KHSRP: variants seen among roughly 807,000 people sequenced by gnomAD.
The protein encoded by KHSRP is far upstream element-binding protein 2.
In KHSRP, 13 loss-of-function variants were observed where a neutral mutation model predicts 94.9. The observed-to-expected ratio is 0.14, with a 90% CI of 0.09 to 0.22. The LOEUF is 0.22. Among genes scored for constraint, KHSRP ranks in the 10% least tolerant of loss-of-function variants. The probability of loss-of-function intolerance (pLI) is 1.00; values close to 1 mark genes in which losing one functional copy is unlikely to be tolerated. For missense variants in KHSRP, 710 were observed against 1,010.0 expected (o/e 0.70, Z 4.03); for synonymous variants, 495 against 401.4 (o/e 1.23, Z -2.79).
Position 6,414,137 on chromosome 19 carries a change from G to C in KHSRP, c.*887C>G, listed in dbSNP as rs1314236520. On this transcript the variant is annotated 3_prime_UTR_variant, in exon 19 of 19. Coordinates refer to ENST00000600480, the MANE Select transcript of KHSRP (RefSeq NM_001366299.1). Reference sequence around the variant, plus strand: ...TCATTGAGCCTGCGGAGAGGGAAGAGATAGGAATTGGTCACTACGGGGAGG... The same window carrying C: ...TCATTGAGCCTGCGGAGAGGGAAGACATAGGAATTGGTCACTACGGGGAGG... 3.2e-6 allele frequency: 3 copies of C among 947,434 alleles called. No homozygotes were observed. Among genetic ancestry groups the C allele is most frequent in the Non-Finnish European group, 4.8e-6 (3 of 626,860 alleles). The allele number at this position is 947,434 out of a possible 1,614,324, so 58.7% of individuals were successfully genotyped here. A position where few individuals can be genotyped will look rare whatever the true frequency, so the allele number is the denominator to read the frequency against.
At chr19:6,421,480 A>C in intron 3 of KHSRP, 163 bp from the exon 4 acceptor site, 1 of 980,064 alleles carries the variant, frequency 1.0e-6, no homozygotes, top group Non-Finnish European at 1.6e-6. Flanking sequence ...CACAGAGCTC[A>C]TCTCCCTCAA....
At chr19:6,417,399 G>C (rs555399568) in intron 11 of KHSRP, among the ~76,000 whole-genome samples, 1 of 152,360 alleles carries the variant, frequency 6.6e-6, no homozygotes, top group Admixed American at 6.5e-5. Context: ...AGGCAGCTCA[G>C]AGACTGCCTG....
intron 2 of KHSRP, 62 bp from the exon 3 acceptor site, chr19:6,421,750 T>G (rs1599244710): frequency 3.8e-6 from 6 of 1,582,632 alleles, no homozygotes. Flanking sequence ...TCGAACCTGA[T>G]GCTGGTGCCA....
Position 6,418,900 on chromosome 19 carries a change from T to G in KHSRP, c.606-24A>C. 6 of 1,525,142 alleles carry G rather than the reference T, an allele frequency of 3.9e-6. No individual in the cohort carries two copies. Among genetic ancestry groups the G allele is most frequent in the Non-Finnish European group, 5.2e-6 (6 of 1,143,230 alleles). The allele number at this position is 1,525,142 out of a possible 1,614,324, so 94.5% of individuals were successfully genotyped here. ...TCCTGGGAAGGGGAGGAGCGGGGGA[T>G]GAGCGGGTGCCACCGCTGGAGAAAG... is the stretch of plus-strand genomic sequence containing the variant. On this transcript the variant is annotated intron_variant, in intron 7 of 18. Transcript: ENST00000600480. This position sits in a 1 kb window ranked among gnomAD's most constrained non-coding sequence, Gnocchi z 4.3.
Position 6,414,214 on chromosome 19 carries a change from G to C in KHSRP, c.*810C>G, listed in dbSNP as rs529449095. The C allele has an allele frequency of 9.2e-6, 14 of 1,527,434 alleles. No homozygotes were observed. Among genetic ancestry groups the C allele is most frequent in the Admixed American group, 7.0e-5 (3 of 42,634 alleles). The allele number at this position is 1,527,434 out of a possible 1,614,324, so 94.6% of individuals were successfully genotyped here. A position where few individuals can be genotyped will look rare whatever the true frequency, so the allele number is the denominator to read the frequency against. On this transcript the variant is annotated 3_prime_UTR_variant, in exon 19 of 19. Transcript: ENST00000600480. ...GAGAGGAGGGGCTGGAACACCGTGG[G>C]GGGGGCCAGGAAGCCCCCTCCCAAA... is the stretch of plus-strand genomic sequence containing the variant.
At position 6,418,954 on chromosome 19, in the gene KHSRP, A is replaced by C. The variant is rs762288145; in HGVS notation, c.606-78T>G. The C allele has an allele frequency of 4.3e-6, 6 of 1,405,548 alleles. No homozygotes were observed. The highest frequency in any genetic ancestry group is 5.6e-6 in the Non-Finnish European group (6 of 1,062,414). The allele number at this position is 1,405,548 out of a possible 1,614,324, so 87.1% of individuals were successfully genotyped here. ...CTGGTCTGGTGGCCCACCCAGCTCAAAGGGAAGGCGACCCCAGAGTGTGCA... is the reference window on the plus strand; with the variant it reads ...CTGGTCTGGTGGCCCACCCAGCTCACAGGGAAGGCGACCCCAGAGTGTGCA... On this transcript the variant is annotated intron_variant, in intron 7 of 18. Transcript: ENST00000600480. The surrounding 1 kb of genome is among the most constrained non-coding windows in gnomAD (Gnocchi z 4.3).
rs1191367651 is a variant in KHSRP at position 6,418,275 on chromosome 19, A to T, written c.880-196T>A. Among the ~76,000 whole-genome samples, 1 of 152,142 alleles carries T rather than the reference A, an allele frequency of 6.6e-6. No individual in the cohort carries two copies. Among genetic ancestry groups the T allele is most frequent in the Non-Finnish European group, 1.5e-5 (1 of 68,014 alleles). On this transcript the variant is annotated intron_variant, in intron 9 of 18. Coordinates refer to ENST00000600480, the MANE Select transcript of KHSRP (RefSeq NM_001366299.1). The surrounding 1 kb of genome is among the most constrained non-coding windows in gnomAD (Gnocchi z 4.3). ...CCCCGTTTCCAGATAAAAAAGCAGAAGGTCAGAGGTGAGGCCGGTGCCTCA... is the reference window on the plus strand; with the variant it reads ...CCCCGTTTCCAGATAAAAAAGCAGATGGTCAGAGGTGAGGCCGGTGCCTCA...
chr19:6,421,100 G>A, intron 4 of KHSRP, 178 bp downstream of exon 4: 1 of 632,674 alleles, frequency 1.6e-6, no homozygotes, highest in South Asian at 2.0e-5. Flanking sequence ...TTCAGACAAG[G>A]GGTACGAGGA....
intron 1 of KHSRP, among the ~76,000 whole-genome samples, chr19:6,423,234 G>A (rs919030129): frequency 7.2e-5 from 11 of 152,142 alleles, no homozygotes; most frequent in Admixed American, 5.2e-4. Flanking sequence ...TGCTGAGATC[G>A]TGCCACTGCA....
Position 6,414,011 on chromosome 19 carries a change from C to A in KHSRP, c.*1013G>T. On this transcript the variant is annotated 3_prime_UTR_variant, in exon 19 of 19. Coordinates refer to ENST00000600480, the MANE Select transcript of KHSRP (RefSeq NM_001366299.1). ...GAGGGCTCCCCAGTACTCCCCACGG[C>A]AGCCATCGCTCTCTCGCCAAACAAA... 2.0e-6 allele frequency: 3 copies of A among 1,487,468 alleles called. No homozygotes were observed. The highest frequency in any genetic ancestry group is 1.3e-5 in the South Asian group (1 of 75,620). 92.1% of individuals were successfully genotyped at this position (1,487,468 alleles called of 1,614,324 possible). A position where few individuals can be genotyped will look rare whatever the true frequency, so the allele number is the denominator to read the frequency against.
intron 5 of KHSRP, 84 bp from the exon 6 acceptor site, chr19:6,420,228 G>T: frequency 7.5e-7 from 1 of 1,328,260 alleles, no homozygotes; most frequent in Non-Finnish European, 1.1e-6. Context: ...CGGGGCCCCA[G>T]CCCCTCTGAC....
Position 6,413,670 on chromosome 19 carries a change from T to C in KHSRP, c.*1354A>G, listed in dbSNP as rs2092117339. On this transcript the variant is annotated 3_prime_UTR_variant, in exon 19 of 19. Transcript: ENST00000600480. ...TTTTTTCCTTTTTAAAAGTTTATTT[T>C]AAAAACAAGAGGGCCGAGGGTGGGA... 1 of 163,704 alleles carries C rather than the reference T, an allele frequency of 6.1e-6. No individual in the cohort carries two copies. The highest frequency in any genetic ancestry group is 1.3e-5 in the Non-Finnish European group (1 of 74,186). The allele number at this position is 163,704 out of a possible 1,614,324, so 10.1% of individuals were successfully genotyped here. A position where few individuals can be genotyped will look rare whatever the true frequency, so the allele number is the denominator to read the frequency against.
chr19:6,414,324 T>C lies in KHSRP; in HGVS notation c.*700A>G, dbSNP rs1344830441. 2.9e-6 allele frequency: 4 copies of C among 1,395,974 alleles called. No homozygotes were observed. In the East Asian group the frequency reaches 1.1e-4, roughly 37 times the overall value. 86.5% of individuals were successfully genotyped at this position (1,395,974 alleles called of 1,614,324 possible). A position where few individuals can be genotyped will look rare whatever the true frequency, so the allele number is the denominator to read the frequency against. ...GACTCGCTGAAGTCACGCTGCTCCC[T>C]GATGGAGAAGGAGGGACAGAGCAGG... is the stretch of plus-strand genomic sequence containing the variant. On this transcript the variant is annotated 3_prime_UTR_variant, in exon 19 of 19. Transcript: ENST00000600480.
intron 2 of KHSRP, 148 bp from the exon 3 acceptor site, chr19:6,421,836 C>T (rs1599244797): frequency 2.2e-6 from 2 of 890,614 alleles, no homozygotes; most frequent in African/African-American, 1.7e-5. Flanking sequence ...AGAGACTGGC[C>T]CCTGAGGGAG....
Position 6,417,806 on chromosome 19 carries a change from A to G in KHSRP, c.1014T>C (p.Ile338=). 1 of 1,613,938 alleles carries G rather than the reference A, an allele frequency of 6.2e-7. No individual in the cohort carries two copies. The highest frequency in any genetic ancestry group is 8.5e-7 in the Non-Finnish European group (1 of 1,179,844). ...PVPRHSVGVV[I]GRSGEMIKKI... ...TCTTGATCATCTCTCCACTCCGGCC[A>G]ATGACCACGCCAACAGAATGCCTGG... The change falls in exon 11 of 19, where the codon ATT becomes ATC. Residue 338 remains isoleucine, a synonymous_variant. Transcript: ENST00000600480.
rs908822531 is a variant in KHSRP at position 6,416,431 on chromosome 19, G to A, written c.1489-24C>T. 4 of 1,612,922 alleles carry A rather than the reference G, an allele frequency of 2.5e-6. No individual in the cohort carries two copies. The African/African-American group carries it at 4.0e-5, about 16-fold the overall frequency. On this transcript the variant is annotated intron_variant, in intron 14 of 18. Coordinates refer to ENST00000600480, the MANE Select transcript of KHSRP (RefSeq NM_001366299.1). ...CCCTAGAAGGAAGGAGAGTAACCAA[G>A]GTAAGTGGGCTGGGATCCGGGCTGT...
chr19:6,415,301 G>A lies in KHSRP; in HGVS notation c.1967C>T (p.Ala656Val), dbSNP rs765792194. The A allele has an allele frequency of 8.7e-6, 14 of 1,613,266 alleles. No individual in the cohort carries two copies. Among genetic ancestry groups the A allele is most frequent in the South Asian group, 3.3e-5 (3 of 91,086 alleles). The stretch of plus-strand genomic sequence containing the variant: ...TGGACCCCCTCCGGTGGCCACTTGC[G>A]CTGTGGGTGGACAAAGGCAGGTGAG... ...KAWEEYYKKQ[A>V]QVATGGGPGA... Residue 656 changes from alanine (A) to valine (V), a missense_variant and splice_region_variant, in exon 19 of 19, where the codon GCG (alanine) becomes GTG (valine). Around this residue, in one of 5 missense-constraint regions of KHSRP, gnomAD observed 292 missense variants for 340.5 expected, o/e 0.86. Coordinates refer to ENST00000600480, the MANE Select transcript of KHSRP (RefSeq NM_001366299.1).
chr19:6,418,747 G>A lies in KHSRP; in HGVS notation c.735C>T (p.Ala245=), dbSNP rs199808147. The part of the protein sequence containing the change: ...VQEIMIPAGK[A]GLVIGKGGET... ...CCCCGCCCTTGCCAATGACCAGGCC[G>A]GCCTTGCCCGCGGGGATCATGATCT... The change falls in exon 8 of 19, where the codon GCC becomes GCT. Residue 245 remains alanine, a synonymous_variant. Transcript: ENST00000600480. This position sits in a 1 kb window ranked among gnomAD's most constrained non-coding sequence, Gnocchi z 4.3. The A allele has an allele frequency of 2.9e-4, 462 of 1,613,250 alleles. 3 individuals carry two copies. Among genetic ancestry groups the A allele is most frequent in the South Asian group, 1.4e-3 (124 of 91,056 alleles).
At chr19:6,421,857 G>A (rs116592713) in intron 2 of KHSRP, among the ~76,000 whole-genome samples, 169 bp from the exon 3 acceptor site, 1 of 152,118 alleles carries the variant, frequency 6.6e-6, no homozygotes, top group Non-Finnish European at 1.5e-5. Flanking sequence ...GCCAGACCCC[G>A]CCAATTCCGC....
Sources: gnomAD v4.1 joint callset for allele counts (sites outside exome capture counted in the v4.1 genomes callset) on GRCh38, gnomAD v4.1.1 for gene constraint, gnomAD v4.1.1 regional missense constraint, Gnocchi (gnomAD v3.1) non-coding constraint, MANE v1.5 for transcripts, NCBI Gene and HGNC (gene_info 2026-07-23, HGNC 2026-07-21) for gene names.